Variants in MYO9A observed in about 807,000 individuals in gnomAD.
MYO9A encodes myosin IXA, also known as unconventional myosin-IXa.
A neutral mutation model predicts 293.3 loss-of-function variants in MYO9A; 103 were observed. That is an observed-to-expected ratio of 0.35 (90% CI 0.30 to 0.41). The LOEUF (loss-of-function observed/expected upper bound fraction) is 0.41. Ranked by LOEUF, MYO9A falls within the 10% of genes least tolerant of loss-of-function variation. The pLI, the probability that MYO9A is intolerant of heterozygous loss-of-function variation, is 1.00. For synonymous variants in MYO9A, 1,001 were observed against 1,035.7 expected (o/e 0.97, Z 0.64); for missense variants, 2,685 against 3,033.0 (o/e 0.89, Z 2.69).
intron 25 of MYO9A, chr15:71,896,799 C>T (rs935824299): frequency 3.3e-5 from 5 of 151,350 alleles, no homozygotes; most frequent in Non-Finnish European, 7.4e-5. Context: ...AAAAAAATTT[C>T]ATTTCTATTT....
At chr15:72,023,436 T>C (rs1358159495) in intron 4 of MYO9A, among the ~76,000 whole-genome samples, 1 of 152,094 alleles carries the variant, frequency 6.6e-6, no homozygotes, top group Non-Finnish European at 1.5e-5. Flanking sequence ...CTCACGCTTA[T>C]AACCCCAGTA....
intron 16 of MYO9A, among the ~76,000 whole-genome samples, chr15:71,937,362 T>C (rs2058669068): frequency 6.6e-6 from 1 of 152,162 alleles, no homozygotes; most frequent in Non-Finnish European, 1.5e-5. Flanking sequence ...TTTTAAGAAA[T>C]TGCCATAGCC....
chr15:71,901,115 AG>A, intron 23 of MYO9A, 75 bp downstream of exon 23: 1 of 1,445,622 alleles, frequency 6.9e-7, no homozygotes, highest in South Asian at 1.4e-5. Flanking sequence ...AATGTTTTAC[AG>A]TAAAAAGGTT....
At position 71,967,975 on chromosome 15, in the gene MYO9A, T is replaced by C; in HGVS notation, c.1986+9A>G. The C allele has an allele frequency of 2.5e-6, 4 of 1,600,010 alleles. No homozygotes were observed. The highest frequency in any genetic ancestry group is 3.4e-6 in the Non-Finnish European group (4 of 1,173,102). ...CCCTGTAAGCATATTCAGTGAGAAATTTACTGACCTTTACCCCATATTTTA... is the reference window on the plus strand; with the variant it reads ...CCCTGTAAGCATATTCAGTGAGAAACTTACTGACCTTTACCCCATATTTTA... On this transcript the variant is annotated intron_variant, in intron 13 of 41. Transcript: ENST00000356056.
chr15:72,065,474 C>T (rs1348029098), intron 1 of MYO9A, among the ~76,000 whole-genome samples: 1 of 147,028 alleles, frequency 6.8e-6, no homozygotes, highest in African/African-American at 2.5e-5. Flanking sequence ...GAGATCACGC[C>T]ACTGCACTCC....
chr15:72,027,650 C>A lies in MYO9A; in HGVS notation c.998+81G>T. Reference sequence around the variant, plus strand: ...GCATGACGTAAACTGAATTAAGGGTCATAATACACAAAGACCTTAAAAGTC... The same window carrying A: ...GCATGACGTAAACTGAATTAAGGGTAATAATACACAAAGACCTTAAAAGTC... On this transcript the variant is annotated intron_variant, in intron 4 of 41. Coordinates refer to ENST00000356056, the MANE Select transcript of MYO9A (RefSeq NM_006901.4). 2.9e-6 allele frequency: 3 copies of A among 1,051,056 alleles called. No individual in the cohort carries two copies. The South Asian group carries it at 4.4e-5, about 15-fold the overall frequency. 65.1% of individuals were successfully genotyped at this position (1,051,056 alleles called of 1,614,324 possible).
chr15:71,953,211 T>C (rs1162437978), intron 14 of MYO9A, among the ~76,000 whole-genome samples: 2 of 152,208 alleles, frequency 1.3e-5, no homozygotes, highest in African/African-American at 4.8e-5. Context: ...GATACCTCGA[T>C]AAACATACTC....
intron 13 of MYO9A, among the ~76,000 whole-genome samples, chr15:71,966,847 T>C (rs1467568458): frequency 1.3e-5 from 2 of 152,230 alleles, no homozygotes; most frequent in Admixed American, 1.3e-4. Flanking sequence ...GCTTAAAATA[T>C]TATCACAGTG....
At chr15:72,024,974 T>C (rs1262400162) in intron 4 of MYO9A, among the ~76,000 whole-genome samples, 1 of 152,184 alleles carries the variant, frequency 6.6e-6, no homozygotes, top group Non-Finnish European at 1.5e-5. Context: ...TTAATAATCC[T>C]ACCTTATCAA....
chr15:71,890,665 A>C (rs1361908810), intron 26 of MYO9A: 1 of 152,178 alleles, frequency 6.6e-6, no homozygotes, highest in African/African-American at 2.4e-5. Context: ...AAAGTCACTA[A>C]GGAGGGAAAC....
At chr15:71,999,390 A>G (rs939132520) in intron 9 of MYO9A, among the ~76,000 whole-genome samples, 3 of 152,062 alleles carry the variant, frequency 2.0e-5, no homozygotes, top group South Asian at 2.1e-4. Flanking sequence ...AGAAGAAGAA[A>G]CAAAGACTGC....
At chr15:71,910,468 C>A (rs1307819690) in intron 19 of MYO9A, among the ~76,000 whole-genome samples, 1 of 151,938 alleles carries the variant, frequency 6.6e-6, no homozygotes, top group African/African-American at 2.4e-5. Context: ...ATTAAACTAT[C>A]CATTAAGAGA....
At chr15:72,047,142 CAAG>C (rs2078410017) in intron 1 of MYO9A, among the ~76,000 whole-genome samples, 1 of 151,954 alleles carries the variant, frequency 6.6e-6, no homozygotes, top group Admixed American at 6.5e-5. Flanking sequence ...TACATAAAAC[CAAG>C]AAAATGATGA....
intron 12 of MYO9A, among the ~76,000 whole-genome samples, chr15:71,972,895 C>T (rs2076050454): frequency 6.6e-6 from 1 of 152,002 alleles, no homozygotes; most frequent in African/African-American, 2.4e-5. Flanking sequence ...GGTTCCAACT[C>T]CTGGGGAATT....
intron 2 of MYO9A, among the ~76,000 whole-genome samples, chr15:72,043,185 T>C (rs752401665): frequency 1.3e-5 from 2 of 152,082 alleles, no homozygotes; most frequent in African/African-American, 4.8e-5. Context: ...CAACAAACAA[T>C]TGAAAATTGT....
chr15:71,999,044 T>G (rs532777496), intron 9 of MYO9A: 2 of 152,264 alleles, frequency 1.3e-5, no homozygotes, highest in East Asian at 3.9e-4. Context: ...GACTATAATA[T>G]GACATAAGAA....
At chr15:72,053,777 C>CA (rs1439234957) in intron 1 of MYO9A, among the ~76,000 whole-genome samples, 10 of 152,088 alleles carry the variant, frequency 6.6e-5, no homozygotes, top group Non-Finnish European at 1.3e-4. Flanking sequence ...TCTAAAGAAC[C>CA]AACCTGTACA....
chr15:71,888,158 T>C, intron 26 of MYO9A, 42 bp from the exon 27 acceptor site: 1 of 1,073,634 alleles, frequency 9.3e-7, no homozygotes, highest in Middle Eastern at 2.1e-4. Context: ...GCCAAGTAAA[T>C]ATATGATAGC....
At chr15:71,834,767 A>AAAAC (rs869151576) in intron 39 of MYO9A, among the ~76,000 whole-genome samples, 5 of 152,266 alleles carry the variant, frequency 3.3e-5, no homozygotes, top group South Asian at 2.1e-4. Flanking sequence ...AGCCTGTCTC[A>AAAAC]AAACAAACAA....
Sources: allele counts gnomAD v4.1 joint callset (sites outside exome capture counted in the v4.1 genomes callset), GRCh38; gene constraint gnomAD v4.1.1; transcripts MANE v1.5; gene names NCBI Gene and HGNC (gene_info 2026-07-23, HGNC 2026-07-21).